Variants in ZNF804B observed in about 807,000 individuals in gnomAD.
The protein encoded by ZNF804B is zinc finger 804B.
ZNF804B carries 80 observed loss-of-function variants against 101.4 expected under a neutral mutation model. The observed-to-expected ratio is 0.79, with a 90% CI of 0.66 to 0.95. The LOEUF is 0.95. Ranked by LOEUF, ZNF804B falls within the 40% of genes least tolerant of loss-of-function variation. The pLI is 0.00. For missense variants in ZNF804B, 1,673 were observed against 1,561.9 expected (o/e 1.07, Z -1.20); for synonymous variants, 622 against 558.8 (o/e 1.11, Z -1.59).
intron 1 of ZNF804B, among the ~76,000 whole-genome samples, chr7:88,913,802 C>T (rs542280129): frequency 3.3e-5 from 5 of 152,234 alleles, no homozygotes; most frequent in Admixed American, 6.5e-5. Context: ...CCTGTCAAAA[C>T]GGTAATTATT....
At chr7:89,080,748 C>A (rs921741422) in intron 1 of ZNF804B, among the ~76,000 whole-genome samples, 3 of 151,890 alleles carry the variant, frequency 2.0e-5, no homozygotes, top group Non-Finnish European at 1.5e-5. Context: ...GAGGTGACAT[C>A]GACCATGAAG....
chr7:89,096,132 G>T (rs528760278), intron 1 of ZNF804B, among the ~76,000 whole-genome samples: 149 of 148,352 alleles, frequency 1.0e-3, no homozygotes, highest in African/African-American at 3.7e-3. Flanking sequence ...TCCAGCCTGG[G>T]TGACAGAGCC....
At chr7:88,763,332 T>A (rs1197161834) in intron 1 of ZNF804B, among the ~76,000 whole-genome samples, 5 of 152,160 alleles carry the variant, frequency 3.3e-5, no homozygotes, top group Non-Finnish European at 7.4e-5. Flanking sequence ...TAAAGCATTT[T>A]ACCCCCAAAC....
At chr7:88,930,612 G>T (rs1297534543) in intron 1 of ZNF804B, among the ~76,000 whole-genome samples, 1 of 151,796 alleles carries the variant, frequency 6.6e-6, no homozygotes, top group African/African-American at 2.4e-5. Context: ...AGACTTATTG[G>T]ATGTGTATGC....
intron 2 of ZNF804B, among the ~76,000 whole-genome samples, chr7:89,247,111 T>C (rs1789461373): frequency 6.6e-6 from 1 of 152,200 alleles, no homozygotes; most frequent in Non-Finnish European, 1.5e-5. Context: ...TGCAGAGAAC[T>C]CAGGGCTGAG....
intron 1 of ZNF804B, among the ~76,000 whole-genome samples, chr7:89,172,997 C>T (rs1791260683): frequency 6.6e-6 from 1 of 152,050 alleles, no homozygotes; most frequent in South Asian, 2.1e-4. Context: ...AAAACCAGGG[C>T]TTTGAGAGAC....
rs1207888688 is a variant in ZNF804B, at chr7:89,334,017, T to A, written c.1035T>A (p.Thr345=). Residue 345 remains threonine (T), a synonymous_variant, in exon 4 of 4, where the codon ACT becomes ACA. Coordinates refer to ENST00000333190, the MANE Select transcript of ZNF804B (RefSeq NM_181646.5). ...CTCCTACCAGCAGAGAAAAAGAAAC[T>A]AGAAATACATTGAAGAACACTTTAG... is the stretch of plus-strand genomic sequence containing the variant. ...DFTPTSREKE[T]RNTLKNTLEN... 6.2e-7 allele frequency: 1 copy of A among 1,613,242 alleles called. No individual in the cohort carries two copies. The highest frequency in any genetic ancestry group is 1.3e-5 in the African/African-American group (1 of 74,850).
chr7:88,776,930 G>T (rs1398643346), intron 1 of ZNF804B, among the ~76,000 whole-genome samples: 1 of 152,096 alleles, frequency 6.6e-6, no homozygotes, highest in Non-Finnish European at 1.5e-5. Context: ...TTACCGATGT[G>T]TTAAAAAGCC....
At chr7:88,954,943 C>T (rs1226936244) in intron 1 of ZNF804B, among the ~76,000 whole-genome samples, 1 of 151,404 alleles carries the variant, frequency 6.6e-6, no homozygotes, top group African/African-American at 2.4e-5. Flanking sequence ...GATTGGAGAA[C>T]AAAGTCATTT....
At chr7:89,322,639 A>T (rs1790837211) in intron 2 of ZNF804B, among the ~76,000 whole-genome samples, 2 of 152,264 alleles carry the variant, frequency 1.3e-5, no homozygotes, top group South Asian at 4.1e-4. Flanking sequence ...AAATTTTTGG[A>T]ACAATGTTTT....
At chr7:88,888,860 A>T (rs11981162) in intron 1 of ZNF804B, among the ~76,000 whole-genome samples, 38,199 of 151,964 alleles carry the variant, frequency 0.25, 5,473 homozygotes, top group East Asian at 0.44. Flanking sequence ...TATTGCGTAA[A>T]GCTGAGGTTT....
At chr7:89,178,919 A>G (rs147087218) in intron 1 of ZNF804B, among the ~76,000 whole-genome samples, 24 of 152,206 alleles carry the variant, frequency 1.6e-4, no homozygotes, top group African/African-American at 5.3e-4. Context: ...TCATGTTTGA[A>G]GGATATTTTT....
intron 1 of ZNF804B, among the ~76,000 whole-genome samples, chr7:89,029,267 C>A (rs1279224798): frequency 6.6e-6 from 1 of 152,070 alleles, no homozygotes; most frequent in Non-Finnish European, 1.5e-5. Flanking sequence ...TCACACCCAG[C>A]TAATTTTTAT....
intron 1 of ZNF804B, among the ~76,000 whole-genome samples, chr7:89,041,728 G>T (rs6946904): frequency 0.3 from 46,195 of 152,048 alleles, 7,339 homozygotes; most frequent in East Asian, 0.51. Flanking sequence ...ACACTGTGCT[G>T]TTCAGGCTTG....
At chr7:88,862,653 T>C (rs906815443) in intron 1 of ZNF804B, among the ~76,000 whole-genome samples, 1 of 152,212 alleles carries the variant, frequency 6.6e-6, no homozygotes, top group African/African-American at 2.4e-5. Flanking sequence ...TTGCATGGTA[T>C]TGACTAAGAC....
intron 2 of ZNF804B, among the ~76,000 whole-genome samples, chr7:89,240,497 T>C (rs999346394): frequency 1.3e-5 from 2 of 152,060 alleles, no homozygotes; most frequent in Admixed American, 6.6e-5. Flanking sequence ...AATCATTACA[T>C]AGTTGTCAAT....
In ZNF804B at chr7:89,334,801, A is replaced by G. The variant is rs559872414; in HGVS notation, c.1819A>G (p.Arg607Gly). ...TGAGAACAAACTTAAGGAAGCTTCA[A>G]GGGCCCATTGGCAAGGCTGCAGAAA... ...SSENKLKEAS[R>G]AHWQGCRKAV... is the part of the protein sequence containing the mutation. Residue 607 changes from arginine to glycine, a missense_variant, in exon 4 of 4, where the codon AGG (arginine) becomes GGG (glycine). Coordinates refer to ENST00000333190, the MANE Select transcript of ZNF804B (RefSeq NM_181646.5). 3.7e-6 allele frequency: 6 copies of G among 1,613,900 alleles called. No individual in the cohort carries two copies. The highest frequency in any genetic ancestry group is 1.1e-5 in the South Asian group (1 of 91,080).
intron 1 of ZNF804B, among the ~76,000 whole-genome samples, chr7:89,215,757 C>T (rs912346045): frequency 6.6e-6 from 1 of 151,728 alleles, no homozygotes; most frequent in Non-Finnish European, 1.5e-5. Flanking sequence ...GCAGCGGGCT[C>T]CTGTAGTGCA....
chr7:89,245,522 A>C (rs1040849421), intron 2 of ZNF804B, among the ~76,000 whole-genome samples: 1 of 152,212 alleles, frequency 6.6e-6, no homozygotes, highest in Non-Finnish European at 1.5e-5. Flanking sequence ...GAAACCAATA[A>C]GTTTTAAGTA....
Sources: allele counts gnomAD v4.1 joint callset (sites outside exome capture counted in the v4.1 genomes callset), GRCh38; gene constraint gnomAD v4.1.1; transcripts MANE v1.5; gene names NCBI Gene and HGNC (gene_info 2026-07-23, HGNC 2026-07-21).